The following CCSER1 variants were observed in gnomAD, a reference collection of about 807,000 sequenced individuals.
CCSER1 encodes serine-rich coiled-coil domain-containing protein 1.
A neutral mutation model predicts 82.0 loss-of-function variants in CCSER1; 41 were observed. That is an observed-to-expected ratio of 0.50 (90% CI 0.39 to 0.65). The LOEUF (loss-of-function observed/expected upper bound fraction) is 0.65. CCSER1 is among the 30% of genes least tolerant of loss of function. The pLI, the probability that CCSER1 is intolerant of heterozygous loss-of-function variation, is 0.00. For synonymous variants in CCSER1, 414 were observed against 383.9 expected (o/e 1.08, Z -0.92); for missense variants, 1,119 against 1,064.2 (o/e 1.05, Z -0.72).
At chr4:91,142,448 G>A (rs1729129408) in intron 10 of CCSER1, among the ~76,000 whole-genome samples, 1 of 152,114 alleles carries the variant, frequency 6.6e-6, no homozygotes, top group Non-Finnish European at 1.5e-5. Flanking sequence ...TTCTTTTGCT[G>A]TGCAAAACTC....
intron 10 of CCSER1, among the ~76,000 whole-genome samples, chr4:91,274,106 C>T (rs548378004): frequency 2.0e-5 from 3 of 152,222 alleles, no homozygotes; most frequent in South Asian, 2.1e-4. Context: ...TTTGGTAATA[C>T]ACTATCTTAG....
At chr4:90,868,980 G>A (rs1170493656) in intron 8 of CCSER1, among the ~76,000 whole-genome samples, 2 of 151,936 alleles carry the variant, frequency 1.3e-5, no homozygotes, top group Non-Finnish European at 2.9e-5. Flanking sequence ...CTTTTCATAT[G>A]CCTGTTTGCT....
At chr4:90,841,470 C>G (rs141390972) in intron 8 of CCSER1, among the ~76,000 whole-genome samples, 1 of 148,992 alleles carries the variant, frequency 6.7e-6, no homozygotes, top group African/African-American at 2.5e-5. Context: ...CCCAGCTACT[C>G]GGGAGGCTGA....
At position 90,837,994 on chromosome 4, in the gene CCSER1, C is replaced by T. The variant is rs576776147; in HGVS notation, c.2094+22149C>T. 1.3e-3 allele frequency among the ~76,000 whole-genome samples: 197 copies of T among 151,924 alleles called. 1 individual carries two copies. Among genetic ancestry groups the T allele is most frequent in the Non-Finnish European group, 2.4e-3 (160 of 67,934 alleles). On this transcript the variant is annotated intron_variant, in intron 8 of 10. Coordinates refer to ENST00000509176, the MANE Select transcript of CCSER1 (RefSeq NM_001145065.2). ...AGAAATTGCATATTAAAATGCCCTGCATAATTTCTAGCACATAGTAGCTAT... is the reference window on the plus strand; with the variant it reads ...AGAAATTGCATATTAAAATGCCCTGTATAATTTCTAGCACATAGTAGCTAT...
rs1284688433 is a variant in CCSER1, at chr4:90,577,177, C to T, written c.1725-50848C>T. The stretch of plus-strand genomic sequence containing the variant: ...TCTTGTCTGTATATCTTTTTGTTGA[C>T]GTATCTGTTTAGGTCTTTTTCCCAG... On this transcript the variant is annotated intron_variant, in intron 5 of 10. Coordinates refer to ENST00000509176, the MANE Select transcript of CCSER1 (RefSeq NM_001145065.2). 5.3e-5 allele frequency among the ~76,000 whole-genome samples: 8 copies of T among 152,084 alleles called. No individual in the cohort carries two copies. In the East Asian group the frequency reaches 9.7e-4, roughly 18 times the overall value.
At chr4:90,581,690 T>A (rs976969026) in intron 5 of CCSER1, among the ~76,000 whole-genome samples, 1 of 152,182 alleles carries the variant, frequency 6.6e-6, no homozygotes, top group African/African-American at 2.4e-5. Flanking sequence ...CGTGTGACTC[T>A]GATCAAAGTG....
rs28887540 is a variant in CCSER1 at position 90,261,633 on chromosome 4, G to A, written c.-41-46611G>A. On this transcript the variant is annotated intron_variant, in intron 1 of 10. Transcript: ENST00000509176. ...GGAGTTCTTTGTGCTTCTTGTATTT[G>A]GATATCTAAATCTCTAGCAAGGTCA... Among the ~76,000 whole-genome samples, 1,036 of 152,136 alleles carry A rather than the reference G, an allele frequency of 6.8e-3. 8 individuals are homozygous for A. The highest frequency in any genetic ancestry group is 0.024 in the African/African-American group (1,002 of 41,490).
chr4:91,232,679 A>G (rs907445599), intron 10 of CCSER1, among the ~76,000 whole-genome samples: 8 of 151,790 alleles, frequency 5.3e-5, no homozygotes, highest in Admixed American at 2.0e-4. Context: ...CTGTATTTAT[A>G]TTGAATTACT....
At chr4:90,567,368 G>A (rs1384297671) in intron 5 of CCSER1, among the ~76,000 whole-genome samples, 10 of 149,074 alleles carry the variant, frequency 6.7e-5, no homozygotes, top group African/African-American at 2.5e-4. Flanking sequence ...TCGGCTCACT[G>A]CAACCTCCGC....
At chr4:91,125,161 T>A (rs1383612292) in intron 10 of CCSER1, among the ~76,000 whole-genome samples, 3 of 151,738 alleles carry the variant, frequency 2.0e-5, no homozygotes. Context: ...AGGTATATTT[T>A]AAAAAATGAA....
chr4:91,156,636 C>G (rs1368073742), intron 10 of CCSER1, among the ~76,000 whole-genome samples: 1 of 151,206 alleles, frequency 6.6e-6, no homozygotes, highest in Non-Finnish European at 1.5e-5. Context: ...GATGAGGGTC[C>G]AACTGAGATG....
chr4:91,508,481 T>A (rs1260470410), intron 10 of CCSER1, among the ~76,000 whole-genome samples: 3 of 151,736 alleles, frequency 2.0e-5, no homozygotes, highest in Non-Finnish European at 1.5e-5. Context: ...ATTGTTTCTA[T>A]ATGCTGCTGG....
At chr4:91,189,694 G>T in intron 10 of CCSER1, among the ~76,000 whole-genome samples, 1 of 151,366 alleles carries the variant, frequency 6.6e-6, no homozygotes, top group African/African-American at 2.4e-5. Context: ...CTTATAATTT[G>T]TTTCTTCCCA....
intron 10 of CCSER1, among the ~76,000 whole-genome samples, chr4:91,502,988 C>T (rs942773003): frequency 6.6e-6 from 1 of 151,476 alleles, no homozygotes; most frequent in African/African-American, 2.4e-5. Context: ...AATTAATATG[C>T]TATTGAATTC....
rs946680007 is a variant in CCSER1, at chr4:91,483,137, G to GAA, written c.2218-115426_2218-115425dup. Among the ~76,000 whole-genome samples the GAA allele has an allele frequency of 1.9e-4, 27 of 145,314 alleles. No homozygotes were observed. In the East Asian group the frequency reaches 5.4e-3, roughly 29 times the overall value. The stretch of plus-strand genomic sequence containing the variant: ...AAGAAAAAAATTAAATGACTTCCCA[G>GAA]AAAAAAAAAAGAATTAGTAAATGTA... On this transcript the variant is annotated intron_variant, in intron 10 of 10. Transcript: ENST00000509176.
chr4:90,950,356 G>A (rs968452815), intron 9 of CCSER1, among the ~76,000 whole-genome samples: 4 of 151,798 alleles, frequency 2.6e-5, no homozygotes, highest in African/African-American at 7.3e-5. Flanking sequence ...CTAAATAAAC[G>A]TGATGGAAAC....
At chr4:90,553,136 AT>A (rs922348611) in intron 5 of CCSER1, among the ~76,000 whole-genome samples, 2 of 151,934 alleles carry the variant, frequency 1.3e-5, no homozygotes, top group African/African-American at 2.4e-5. Flanking sequence ...CGCCTAGCTA[AT>A]TTTTTTCATA....
chr4:90,638,748 A>G (rs1458779579), intron 6 of CCSER1, among the ~76,000 whole-genome samples: 1 of 152,060 alleles, frequency 6.6e-6, no homozygotes, highest in Non-Finnish European at 1.5e-5. Flanking sequence ...AACAACCCTA[A>G]TTTTCAACAG....
At chr4:90,925,682 C>G (rs1431297634) in intron 9 of CCSER1, among the ~76,000 whole-genome samples, 2 of 152,088 alleles carry the variant, frequency 1.3e-5, no homozygotes, top group African/African-American at 4.8e-5. Flanking sequence ...ATTTAGTTCT[C>G]TAAGCATGAA....
Sources: allele counts gnomAD v4.1 joint callset (sites outside exome capture counted in the v4.1 genomes callset), GRCh38; gene constraint gnomAD v4.1.1; transcripts MANE v1.5; gene names NCBI Gene and HGNC (gene_info 2026-07-23, HGNC 2026-07-21).